SFI1: variants seen among roughly 807,000 people sequenced by gnomAD.
SFI1 encodes protein SFI1 homolog.
In SFI1, 195 loss-of-function variants were observed where a neutral mutation model predicts 207.5. The ratio of observed to expected loss-of-function variants is 0.94; its 90% CI spans 0.84 to 1.06. The LOEUF (loss-of-function observed/expected upper bound fraction) is 1.06, where lower values mean the gene tolerates loss of function less well. Ranked by LOEUF, SFI1 falls within the 50% of genes least tolerant of loss-of-function variation. The pLI is 0.00. For missense variants in SFI1, 1,634 were observed against 1,588.0 expected (o/e 1.03, Z -0.49); for synonymous variants, 630 against 598.9 (o/e 1.05, Z -0.76).
chr22:31,525,341 T>C (rs1056592366), intron 2 of SFI1, among the ~76,000 whole-genome samples: 9 of 152,160 alleles, frequency 5.9e-5, no homozygotes, highest in African/African-American at 1.9e-4. Flanking sequence ...GTGGGGAGTC[T>C]AGTTTCATTT....
chr22:31,510,959 A>C (rs1157803233), intron 2 of SFI1, among the ~76,000 whole-genome samples: 6 of 152,102 alleles, frequency 3.9e-5, no homozygotes, highest in Non-Finnish European at 7.3e-5. Flanking sequence ...GTCAGTTTTA[A>C]TGAGGGACCC....
chr22:31,520,839 T>TAAA (rs779343072), intron 2 of SFI1, among the ~76,000 whole-genome samples: 1 of 121,854 alleles, frequency 8.2e-6, no homozygotes, highest in African/African-American at 3.1e-5. Context: ...CTACAAAAAG[T>TAAA]AAAAAAAAAA....
chr22:31,580,890 A>C (rs1225803709), intron 12 of SFI1, among the ~76,000 whole-genome samples: 1 of 151,912 alleles, frequency 6.6e-6, no homozygotes, highest in East Asian at 1.9e-4. Flanking sequence ...TGATAGAAAA[A>C]CTTGTTTGAT....
At chr22:31,575,128 G>T in intron 9 of SFI1, 103 bp from the exon 10 acceptor site, 402 of 773,754 alleles carry the variant, frequency 5.2e-4, no homozygotes, top group Non-Finnish European at 7.2e-4. Context: ...GTGTGGCCTT[G>T]AACCCCTGCT....
chr22:31,529,962 A>G (rs187950055), intron 3 of SFI1, among the ~76,000 whole-genome samples: 1,603 of 151,530 alleles, frequency 0.011, 8 homozygotes, highest in Middle Eastern at 0.031. Context: ...CGAGGTCAGG[A>G]GATCGAGACC....
chr22:31,543,607 C>T (rs117980810), intron 4 of SFI1, among the ~76,000 whole-genome samples: 2 of 151,802 alleles, frequency 1.3e-5, no homozygotes, highest in Admixed American at 6.6e-5. Flanking sequence ...CTCAGGAGTT[C>T]GAGACCAGCC....
Position 31,618,585 on chromosome 22 carries a change from C to T in SFI1, c.*167C>T. 1 of 625,710 alleles carries T rather than the reference C, an allele frequency of 1.6e-6. No individual in the cohort carries two copies. Among genetic ancestry groups the T allele is most frequent in the Non-Finnish European group, 2.4e-6 (1 of 412,114 alleles). The allele number at this position is 625,710 out of a possible 1,614,324, so 38.8% of individuals were successfully genotyped here. On this transcript the variant is annotated 3_prime_UTR_variant, in exon 33 of 33. Coordinates refer to ENST00000400288, the MANE Select transcript of SFI1 (RefSeq NM_001007467.3). ...CTTTTCATACAAAAATACTGTGCTA[C>T]TGATACAGTTGAAAAAATTCAATGA...
At chr22:31,593,262 TCTCCTCACTTCTCAGACG>T (rs2066429720) in intron 15 of SFI1, among the ~76,000 whole-genome samples, 1 of 121,526 alleles carries the variant, frequency 8.2e-6, no homozygotes, top group Non-Finnish European at 1.7e-5. Context: ...AGGCAGAGGG[TCTCCTCACTTCTCAGACG>T]GGGCGGCCGG....
At chr22:31,528,424 A>C (rs1046259023) in intron 2 of SFI1, among the ~76,000 whole-genome samples, 1 of 152,102 alleles carries the variant, frequency 6.6e-6, no homozygotes, top group Non-Finnish European at 1.5e-5. Context: ...AACCTGTCTC[A>C]AACAAAAGAA....
At chr22:31,514,980 C>G (rs183682163) in intron 2 of SFI1, among the ~76,000 whole-genome samples, 3 of 152,174 alleles carry the variant, frequency 2.0e-5, no homozygotes, top group Non-Finnish European at 1.5e-5. Context: ...CCATGTTGGC[C>G]AGGATGGTCT....
Position 31,589,582 on chromosome 22 carries a change from G to T in SFI1, c.1544+5G>T, listed in dbSNP as rs777811189. On this transcript the variant is annotated splice_donor_5th_base_variant and intron_variant, in intron 15 of 32. Transcript: ENST00000400288. ...AAGAGCAACACGTTTCCACAGGTATGTTGCGCAGCTCCTGTCTGCACTGGG... is the reference window on the plus strand; with the variant it reads ...AAGAGCAACACGTTTCCACAGGTATTTTGCGCAGCTCCTGTCTGCACTGGG... 1 of 1,610,920 alleles carries T rather than the reference G, an allele frequency of 6.2e-7. No homozygotes were observed. The highest frequency in any genetic ancestry group is 8.5e-7 in the Non-Finnish European group (1 of 1,179,088).
chr22:31,515,576 G>T (rs967775782), intron 2 of SFI1, among the ~76,000 whole-genome samples: 9 of 149,524 alleles, frequency 6.0e-5, no homozygotes, highest in African/African-American at 2.2e-4. Flanking sequence ...GTGTAGACAG[G>T]GTCTTGCTTG....
In SFI1 at chr22:31,589,360, C is replaced by T. The variant is rs1603245197; in HGVS notation, c.1414-87C>T. 4 of 1,157,276 alleles carry T rather than the reference C, an allele frequency of 3.5e-6. No homozygotes were observed. The East Asian group carries it at 1.1e-4, about 32-fold the overall frequency. 71.7% of individuals were successfully genotyped at this position (1,157,276 alleles called of 1,614,324 possible). A position where few individuals can be genotyped will look rare whatever the true frequency, so the allele number is the denominator to read the frequency against. On this transcript the variant is annotated intron_variant, in intron 14 of 32. Coordinates refer to ENST00000400288, the MANE Select transcript of SFI1 (RefSeq NM_001007467.3). ...TTTCTCATTTTTATTATATAGGAAG[C>T]AATCCTCCCACAAGGGTGTGACCCT...
chr22:31,576,076 G>A (rs1196259982), intron 10 of SFI1, among the ~76,000 whole-genome samples: 4 of 144,612 alleles, frequency 2.8e-5, no homozygotes, highest in African/African-American at 7.8e-5. Context: ...CCAGGCTGGA[G>A]TGCAGTGGTA....
At chr22:31,604,559 C>T in intron 19 of SFI1, 155 bp downstream of exon 19, 1 of 663,282 alleles carries the variant, frequency 1.5e-6, no homozygotes, top group East Asian at 2.9e-5. Flanking sequence ...GGCCTTAGGC[C>T]ATAGGGTTCT....
At chr22:31,582,237 T>TATATATA (rs1168966383) in intron 12 of SFI1, among the ~76,000 whole-genome samples, 12 of 19,910 alleles carry the variant, frequency 6.0e-4, no homozygotes, top group South Asian at 2.9e-3. Context: ...TATATATATA[T>TATATATA]TTTTTTTTTT....
chr22:31,604,510 C>G (rs75958403), intron 19 of SFI1, 106 bp downstream of exon 19: 1 of 1,008,602 alleles, frequency 9.9e-7, no homozygotes, highest in East Asian at 2.7e-5. Flanking sequence ...AACAGAGTCA[C>G]GTGACACACC....
Position 31,604,906 on chromosome 22 carries a change from T to C in SFI1, c.2015T>C (p.Val672Ala), listed in dbSNP as rs1395653462. ...QGRVRSILRE[V>A]AARESQHNRQ... Reference sequence around the variant, plus strand: ...AGGGTGCGAAGCATCCTCCGGGAGGTGGCAGCCAGGGAGAGCCAGCACAAC... The same window carrying C: ...AGGGTGCGAAGCATCCTCCGGGAGGCGGCAGCCAGGGAGAGCCAGCACAAC... The change falls in exon 20 of 33, where the codon GTG (valine) becomes GCG (alanine). Residue 672 changes from valine (V) to alanine (A), a missense_variant. Val to Ala is a moderately conservative substitution (Grantham distance 64, BLOSUM62 0). Coordinates refer to ENST00000400288, the MANE Select transcript of SFI1 (RefSeq NM_001007467.3). 1 of 1,611,502 alleles carries C rather than the reference T, an allele frequency of 6.2e-7. No homozygotes were observed. The highest frequency in any genetic ancestry group is 1.1e-5 in the South Asian group (1 of 90,854).
intron 12 of SFI1, among the ~76,000 whole-genome samples, chr22:31,582,245 T>C (rs1379390377): frequency 1.5e-5 from 1 of 67,238 alleles, no homozygotes; most frequent in Non-Finnish European, 2.9e-5. Flanking sequence ...TATTTTTTTT[T>C]TTTTTTTTTT....
Sources: gnomAD v4.1 joint callset for allele counts (sites outside exome capture counted in the v4.1 genomes callset) on GRCh38, gnomAD v4.1.1 for gene constraint, MANE v1.5 for transcripts, NCBI Gene and HGNC (gene_info 2026-07-23, HGNC 2026-07-21) for gene names.